The following ELAVL4 variants were observed in gnomAD, a reference collection of about 807,000 sequenced individuals.
The protein encoded by ELAVL4 is ELAV-like protein 4.
ELAVL4 carries 1 observed loss-of-function variant against 35.6 expected under a neutral mutation model. The observed-to-expected ratio is 0.03, with a 90% CI of 0.01 to 0.13. The LOEUF (loss-of-function observed/expected upper bound fraction) is 0.13, where lower values mean the gene tolerates loss of function less well. Among genes scored for constraint, ELAVL4 ranks in the 10% least tolerant of loss-of-function variants. ELAVL4 has a pLI of 1.00. For missense variants in ELAVL4, 267 were observed against 464.9 expected, an observed-to-expected ratio of 0.57 and a Z score of 3.91; for synonymous variants, 156 against 171.0, an observed-to-expected ratio of 0.91 and a Z score of 0.69.
upstream of ELAVL4, among the ~76,000 whole-genome samples, chr1:50,101,482 T>A (rs906055615): frequency 8.5e-5 from 13 of 152,250 alleles, no homozygotes; most frequent in African/African-American, 2.6e-4. Flanking sequence ...TTTAAGAAAA[T>A]TTTTTTAAAG....
chr1:50,125,130 C>G (rs145154088), intron 1 of ELAVL4, among the ~76,000 whole-genome samples: 3 of 151,608 alleles, frequency 2.0e-5, no homozygotes, highest in African/African-American at 7.3e-5. Context: ...TCCTAGCTAC[C>G]CAGGAGGCTG....
intron 2 of ELAVL4, among the ~76,000 whole-genome samples, chr1:50,157,005 T>C (rs1675877660): frequency 1.3e-5 from 2 of 152,214 alleles, no homozygotes; most frequent in South Asian, 2.1e-4. Context: ...CCGTCATAAA[T>C]TGAAAATATC....
chr1:50,185,419 T>C (rs1021607539), intron 3 of ELAVL4, among the ~76,000 whole-genome samples: 1 of 152,248 alleles, frequency 6.6e-6, no homozygotes, highest in Admixed American at 6.5e-5. Context: ...TCTGGCTTGG[T>C]AACCTTTCAG....
chr1:50,136,161 G>A (rs971970912), intron 1 of ELAVL4, among the ~76,000 whole-genome samples: 3 of 152,030 alleles, frequency 2.0e-5, no homozygotes, highest in Non-Finnish European at 4.4e-5. Flanking sequence ...GAATTGTAAC[G>A]ACATTTTTAG....
chr1:50,083,238 T>G (rs1207925085), intron 1 of ELAVL4, among the ~76,000 whole-genome samples: 1 of 152,108 alleles, frequency 6.6e-6, no homozygotes, highest in Non-Finnish European at 1.5e-5. Context: ...TTTTATTTTT[T>G]TTATTTTTTG....
chr1:50,199,632 C>T (rs1050298748), intron 6 of ELAVL4, among the ~76,000 whole-genome samples: 2 of 151,262 alleles, frequency 1.3e-5, no homozygotes, highest in Non-Finnish European at 2.9e-5. Context: ...CACTTGAACC[C>T]GGGAGGCAGA....
At chr1:50,183,238 A>G (rs1448794345) in intron 3 of ELAVL4, among the ~76,000 whole-genome samples, 3 of 152,146 alleles carry the variant, frequency 2.0e-5, no homozygotes, top group Admixed American at 6.5e-5. Flanking sequence ...ATATTAAGCT[A>G]TTACCCAAAG....
At chr1:50,103,927 G>C, upstream of ELAVL4, 1 of 1,613,642 alleles carries the variant, frequency 6.2e-7, no homozygotes, top group Non-Finnish European at 8.5e-7. Context: ...TTGGAGTTTT[G>C]TGCTGTTGCA....
chr1:50,144,640 GT>G (rs1183143371), intron 1 of ELAVL4: 75 of 518,512 alleles, frequency 1.4e-4, no homozygotes, highest in South Asian at 9.2e-4. Flanking sequence ...ATAATTTGGT[GT>G]GGCTTAAGTA....
intron 2 of ELAVL4, among the ~76,000 whole-genome samples, chr1:50,151,481 G>T (rs1298240214): frequency 2.0e-5 from 3 of 151,878 alleles, no homozygotes; most frequent in Non-Finnish European, 4.4e-5. Context: ...TCTTTATTGT[G>T]CAGGCACTGT....
chr1:50,133,643 G>GAAAGAAAGAAAGAA (rs1553174587), intron 1 of ELAVL4, among the ~76,000 whole-genome samples: 8 of 148,408 alleles, frequency 5.4e-5, no homozygotes, highest in African/African-American at 2.0e-4. Context: ...AAGAAAGAAA[G>GAAAGAAAGAAAGAA]AAAGAAAGAG....
intron 1 of ELAVL4, among the ~76,000 whole-genome samples, chr1:50,063,457 A>G (rs1024388863): frequency 6.6e-6 from 1 of 152,144 alleles, no homozygotes; most frequent in African/African-American, 2.4e-5. Flanking sequence ...AAACACGTAC[A>G]TGTTATATTA....
At chr1:50,048,666 G>A (rs1663197387) in intron 1 of ELAVL4, among the ~76,000 whole-genome samples, 1 of 152,254 alleles carries the variant, frequency 6.6e-6, no homozygotes, top group Non-Finnish European at 1.5e-5. Context: ...ATCCTCAGGG[G>A]GCCCCTCTGT....
At chr1:50,050,822 T>C (rs1473103391) in intron 1 of ELAVL4, among the ~76,000 whole-genome samples, 1 of 152,186 alleles carries the variant, frequency 6.6e-6, no homozygotes, top group Non-Finnish European at 1.5e-5. Flanking sequence ...TCATAGTGAT[T>C]TTGCATCCCT....
intron 2 of ELAVL4, chr1:50,175,720 A>G (rs952797584): frequency 6.6e-6 from 1 of 152,164 alleles, no homozygotes; most frequent in Non-Finnish European, 1.5e-5. Flanking sequence ...CCAGAACCCA[A>G]CTTGTTTTCC....
chr1:50,185,994 C>A (rs931011522), intron 3 of ELAVL4, among the ~76,000 whole-genome samples: 8 of 152,060 alleles, frequency 5.3e-5, no homozygotes, highest in African/African-American at 1.9e-4. Flanking sequence ...ACAGCTCTCC[C>A]TTCTGAAGGC....
chr1:50,064,771 A>G (rs1380961356), intron 1 of ELAVL4, among the ~76,000 whole-genome samples: 1 of 152,094 alleles, frequency 6.6e-6, no homozygotes, highest in Non-Finnish European at 1.5e-5. Flanking sequence ...TCCACTTTGA[A>G]CTCTGGAATC....
At chr1:50,107,557 A>T (rs1666437759), upstream of ELAVL4, among the ~76,000 whole-genome samples, 1 of 152,184 alleles carries the variant, frequency 6.6e-6, no homozygotes, top group African/African-American at 2.4e-5. Flanking sequence ...AAACCCATTT[A>T]TTCTTGGACT....
chr1:50,166,208 G>C (rs1297921062), intron 2 of ELAVL4, among the ~76,000 whole-genome samples: 2 of 151,998 alleles, frequency 1.3e-5, no homozygotes, highest in Non-Finnish European at 2.9e-5. Flanking sequence ...AACCATCACA[G>C]GTCCACCCCT....
Sources: gnomAD v4.1 joint callset for allele counts (sites outside exome capture counted in the v4.1 genomes callset) on GRCh38, gnomAD v4.1.1 for gene constraint, MANE v1.5 for transcripts, NCBI Gene and HGNC (gene_info 2026-07-23, HGNC 2026-07-21) for gene names.